Variants in ANO4 observed in about 807,000 individuals in gnomAD.
ANO4 encodes the protein anoctamin 4.
ANO4 carries 69 observed loss-of-function variants against 141.9 expected under a neutral mutation model. That is an observed-to-expected ratio of 0.49 (90% CI 0.40 to 0.59). The LOEUF is 0.59. Among genes scored for constraint, ANO4 ranks in the 20% least tolerant of loss-of-function variants. The probability of loss-of-function intolerance (pLI) is 0.00; values close to 1 mark genes in which losing one functional copy is unlikely to be tolerated. For synonymous variants in ANO4, 350 were observed against 394.3 expected, an observed-to-expected ratio of 0.89 and a Z score of 1.33; for missense variants, 894 against 1,162.2, an observed-to-expected ratio of 0.77 and a Z score of 3.36.
chr12:100,734,382 G>T (rs185414685), intron 2 of ANO4, among the ~76,000 whole-genome samples: 1 of 152,140 alleles, frequency 6.6e-6, no homozygotes, highest in Non-Finnish European at 1.5e-5. Flanking sequence ...AGAGTGAGCC[G>T]TGCCATTTTT....
At chr12:101,098,010 C>T in intron 21 of ANO4, 65 bp downstream of exon 21, 1 of 1,447,328 alleles carries the variant, frequency 6.9e-7, no homozygotes, top group Non-Finnish European at 9.7e-7. Flanking sequence ...CTAGGTGTGG[C>T]AAGTAAGATA....
intron 1 of ANO4, among the ~76,000 whole-genome samples, chr12:100,814,389 T>C (rs1003898255): frequency 8.5e-5 from 13 of 152,254 alleles, no homozygotes; most frequent in Admixed American, 4.6e-4. Flanking sequence ...TGTTCCTATG[T>C]TTTTCTAATA....
chr12:101,103,183 TTATATATATATA>T (rs71091476), intron 22 of ANO4, among the ~76,000 whole-genome samples: 5 of 18,580 alleles, frequency 2.7e-4, no homozygotes, highest in Non-Finnish European at 3.8e-4. Flanking sequence ...TTTAGTCATT[TTATATATATATA>T]TATATATATA....
At chr12:101,075,290 C>G (rs1471618575) in intron 14 of ANO4, among the ~76,000 whole-genome samples, 1 of 152,100 alleles carries the variant, frequency 6.6e-6, no homozygotes, top group Admixed American at 6.6e-5. Context: ...CAGGGCAGAG[C>G]GAGTTGGGCT....
intron 17 of ANO4, among the ~76,000 whole-genome samples, chr12:101,093,261 C>G (rs190949440): frequency 8.7e-4 from 133 of 152,248 alleles, no homozygotes; most frequent in African/African-American, 3.1e-3. Flanking sequence ...GCAGAAATCT[C>G]AGATAAGAGA....
chr12:100,946,320 G>A (rs7136980), intron 5 of ANO4, among the ~76,000 whole-genome samples: 12,369 of 152,204 alleles, frequency 0.081, 668 homozygotes, highest in African/African-American at 0.13. Flanking sequence ...TTTAATAAGG[G>A]CATTCGGGTT....
intron 14 of ANO4, among the ~76,000 whole-genome samples, chr12:101,078,357 G>GTGTT (rs1224118937): frequency 6.6e-6 from 1 of 152,132 alleles, no homozygotes; most frequent in Non-Finnish European, 1.5e-5. Flanking sequence ...GTGTGTGTGT[G>GTGTT]TGTGTGCCCC....
At chr12:100,960,565 C>A (rs933535133) in intron 5 of ANO4, among the ~76,000 whole-genome samples, 2 of 151,094 alleles carry the variant, frequency 1.3e-5, no homozygotes, top group Non-Finnish European at 2.9e-5. Context: ...AACAAACCTG[C>A]ACATTCTGCA....
At chr12:100,765,705 G>A (rs1475490300) in intron 3 of ANO4, among the ~76,000 whole-genome samples, 7 of 147,292 alleles carry the variant, frequency 4.8e-5, no homozygotes, top group Non-Finnish European at 7.5e-5. Context: ...AAAAAAAAAA[G>A]AGTTCTTAGA....
intron 1 of ANO4, among the ~76,000 whole-genome samples, 199 bp downstream of exon 1, chr12:100,795,226 G>A (rs1174458131): frequency 2.6e-5 from 4 of 151,786 alleles, no homozygotes; most frequent in Admixed American, 6.5e-5. Context: ...TTCCATAAAC[G>A]TGAGCTCTTC....
intron 2 of ANO4, among the ~76,000 whole-genome samples, chr12:100,734,699 A>G (rs201640019): frequency 1.7e-4 from 6 of 34,368 alleles, no homozygotes; most frequent in Admixed American, 1.3e-3. Context: ...ACTAAATCCT[A>G]TATACTCTTA....
chr12:100,784,306 T>C (rs1443785144), intron 3 of ANO4, among the ~76,000 whole-genome samples: 1 of 152,160 alleles, frequency 6.6e-6, no homozygotes, highest in Admixed American at 6.5e-5. Flanking sequence ...TCTTCCCTCT[T>C]GTAGGGATCT....
chr12:100,807,691 A>G (rs1471262418), intron 1 of ANO4, among the ~76,000 whole-genome samples: 1 of 152,088 alleles, frequency 6.6e-6, no homozygotes, highest in East Asian at 1.9e-4. Context: ...TTTATTAGCT[A>G]TTCTTCCTGA....
At chr12:101,008,090 A>G (rs1361681125) in intron 8 of ANO4, among the ~76,000 whole-genome samples, 3 of 152,196 alleles carry the variant, frequency 2.0e-5, no homozygotes, top group African/African-American at 4.8e-5. Context: ...CTTTATTTCA[A>G]TGTGGATGTT....
intron 2 of ANO4, among the ~76,000 whole-genome samples, chr12:100,917,242 C>T (rs1343123288): frequency 6.6e-6 from 1 of 151,816 alleles, no homozygotes; most frequent in Non-Finnish European, 1.5e-5. Context: ...TCTTAGCTTC[C>T]CTCTTTAATT....
At position 100,937,622 on chromosome 12, in the gene ANO4, T is replaced by G. The variant is rs192395625; in HGVS notation, c.161-1693T>G. On this transcript the variant is annotated intron_variant, in intron 3 of 27. Transcript: ENST00000392977. ...ATAGGTCTAAAATCCTATAATATAT[T>G]GTTTTAGTTTCCTTTTGGTGCTATA... Among the ~76,000 whole-genome samples the G allele has an allele frequency of 9.2e-5, 14 of 152,322 alleles. No homozygotes were observed. In the East Asian group the frequency reaches 2.7e-3, roughly 29 times the overall value.
At chr12:100,743,658 C>T (rs1037687156) in intron 3 of ANO4, among the ~76,000 whole-genome samples, 1 of 151,986 alleles carries the variant, frequency 6.6e-6, no homozygotes, top group Non-Finnish European at 1.5e-5. Flanking sequence ...GAAATAACTC[C>T]TTCTTGCTTA....
At chr12:100,789,531 A>G (rs2033974260) in intron 3 of ANO4, among the ~76,000 whole-genome samples, 2 of 152,360 alleles carry the variant, frequency 1.3e-5, no homozygotes, top group Admixed American at 1.3e-4. Context: ...TCTTTATCAT[A>G]CAGCACCTCA....
chr12:101,026,034 C>T (rs1252282886), intron 9 of ANO4, among the ~76,000 whole-genome samples: 2 of 152,144 alleles, frequency 1.3e-5, no homozygotes, highest in Non-Finnish European at 2.9e-5. Flanking sequence ...TATGTCTGCA[C>T]TTGCCACTTG....
Sources: gnomAD v4.1 joint callset for allele counts (sites outside exome capture counted in the v4.1 genomes callset) on GRCh38, gnomAD v4.1.1 for gene constraint, MANE v1.5 for transcripts, NCBI Gene and HGNC (gene_info 2026-07-23, HGNC 2026-07-21) for gene names.